The following MARCHF3 variants were observed in gnomAD, a reference collection of about 807,000 sequenced individuals.
MARCHF3 encodes the protein E3 ubiquitin-protein ligase MARCHF3.
Under a neutral mutation model 24.2 loss-of-function variants are expected in MARCHF3, and 13 were observed. That is an observed-to-expected ratio of 0.54 (90% CI 0.35 to 0.85). The LOEUF (loss-of-function observed/expected upper bound fraction) is 0.85, where lower values mean the gene tolerates loss of function less well. Among genes scored for constraint, MARCHF3 ranks in the 40% least tolerant of loss-of-function variants. MARCHF3 has a pLI of 0.01. For missense variants in MARCHF3, 276 were observed against 325.0 expected (o/e 0.85, Z 1.16); for synonymous variants, 144 against 137.3 (o/e 1.05, Z -0.34).
At chr5:126,952,401 T>G (rs1750277613) in intron 1 of MARCHF3, among the ~76,000 whole-genome samples, 1 of 152,216 alleles carries the variant, frequency 6.6e-6, no homozygotes, top group African/African-American at 2.4e-5. Flanking sequence ...AAGGGTGGTA[T>G]AAATGGAGGC....
chr5:127,019,343 A>C (rs950985469), intron 1 of MARCHF3, among the ~76,000 whole-genome samples: 3 of 151,830 alleles, frequency 2.0e-5, no homozygotes, highest in African/African-American at 4.8e-5. Context: ...CCCATCCCCC[A>C]ACATACCTAT....
At chr5:126,926,777 G>A (rs1010080517) in intron 1 of MARCHF3, among the ~76,000 whole-genome samples, 4 of 151,886 alleles carry the variant, frequency 2.6e-5, no homozygotes, top group African/African-American at 9.7e-5. Flanking sequence ...GTTTCCCCCC[G>A]AGACTGAGGA....
chr5:126,933,311 A>G (rs541945424), intron 1 of MARCHF3, among the ~76,000 whole-genome samples: 21 of 152,326 alleles, frequency 1.4e-4, no homozygotes, highest in African/African-American at 5.1e-4. Flanking sequence ...TATATACACA[A>G]ACAAAGCATG....
intron 1 of MARCHF3, among the ~76,000 whole-genome samples, chr5:126,976,746 C>T (rs992756708): frequency 6.6e-6 from 1 of 152,232 alleles, no homozygotes; most frequent in African/African-American, 2.4e-5. Context: ...ACACATGGCA[C>T]CTGGCTCTCT....
intron 1 of MARCHF3, among the ~76,000 whole-genome samples, chr5:126,956,306 A>G (rs903734153): frequency 6.6e-6 from 1 of 152,142 alleles, no homozygotes; most frequent in Non-Finnish European, 1.5e-5. Flanking sequence ...CAGAGATCTT[A>G]TATTTCCCAT....
chr5:127,009,393 A>G (rs1752410236), intron 1 of MARCHF3, among the ~76,000 whole-genome samples: 1 of 152,218 alleles, frequency 6.6e-6, no homozygotes, highest in African/African-American at 2.4e-5. Context: ...TAGAGATTCC[A>G]CCCATATTCT....
rs941243757 is a variant in MARCHF3, at chr5:126,921,943, TTAAAA to T, written c.-56-3721_-56-3717del. Among the ~76,000 whole-genome samples the T allele has an allele frequency of 4.6e-5, 7 of 152,246 alleles. No homozygotes were observed. The East Asian group carries it at 1.4e-3, about 29-fold the overall frequency. On this transcript the variant is annotated intron_variant, in intron 1 of 4. Coordinates refer to ENST00000308660, the MANE Select transcript of MARCHF3 (RefSeq NM_178450.5). ...AAATGAAAGCCTGATTAGGGAATTGTTAAAATAAAAAGGCTTGTCTGTTAAACTGT... is the reference window on the plus strand; with the variant it reads ...AAATGAAAGCCTGATTAGGGAATTGTTAAAAAGGCTTGTCTGTTAAACTGT...
chr5:126,994,736 C>G (rs116218290), intron 1 of MARCHF3, among the ~76,000 whole-genome samples: 1 of 152,156 alleles, frequency 6.6e-6, no homozygotes, highest in African/African-American at 2.4e-5. Context: ...TTGACTCACA[C>G]GACCACAAGG....
chr5:126,990,722 C>G (rs1241588134), intron 1 of MARCHF3, among the ~76,000 whole-genome samples: 1 of 152,122 alleles, frequency 6.6e-6, no homozygotes, highest in Admixed American at 6.5e-5. Context: ...ACAACCCCAT[C>G]AAAAAGTGGG....
intron 1 of MARCHF3, among the ~76,000 whole-genome samples, chr5:126,986,284 A>C (rs1455434579): frequency 1.3e-5 from 2 of 152,226 alleles, no homozygotes; most frequent in Non-Finnish European, 2.9e-5. Context: ...AAGTAGCATC[A>C]AAAGTGGGCA....
intron 1 of MARCHF3, among the ~76,000 whole-genome samples, chr5:126,986,921 G>C (rs1171317353): frequency 6.6e-6 from 1 of 152,234 alleles, no homozygotes; most frequent in Non-Finnish European, 1.5e-5. Flanking sequence ...AGGCCAGGAA[G>C]AAGATGGCAA....
chr5:126,914,974 G>A lies in MARCHF3; in HGVS notation c.349C>T (p.His117Tyr). The A allele has an allele frequency of 6.2e-7, 1 of 1,614,188 alleles. No homozygotes were observed. The highest frequency in any genetic ancestry group is 8.5e-7 in the Non-Finnish European group (1 of 1,180,032). ...TTGCGCTCGACTGCAAACCTGAAGT[G>A]GCAGAGTTCACAGTAGCTGGTGTTT... ...SSNTSYCELC[H>Y]FRFAVERKPR... The change falls in exon 3 of 5, where the codon CAC becomes TAC. Residue 117 changes from histidine (H) to tyrosine (Y), a missense_variant. By Grantham distance (83) the His-to-Tyr change is moderately conservative. Coordinates refer to ENST00000308660, the MANE Select transcript of MARCHF3 (RefSeq NM_178450.5).
chr5:127,009,556 T>C (rs1752416730), intron 1 of MARCHF3, among the ~76,000 whole-genome samples: 1 of 152,202 alleles, frequency 6.6e-6, no homozygotes, highest in South Asian at 2.1e-4. Context: ...TAAGCACCTG[T>C]ATTGTATTTC....
At chr5:126,995,760 A>G (rs934770804) in intron 1 of MARCHF3, among the ~76,000 whole-genome samples, 2 of 152,234 alleles carry the variant, frequency 1.3e-5, no homozygotes, top group African/African-American at 4.8e-5. Flanking sequence ...AATCAGCCAA[A>G]CATTTATTAA....
At chr5:126,904,617 G>A (rs1367581702) in intron 3 of MARCHF3, among the ~76,000 whole-genome samples, 1 of 149,982 alleles carries the variant, frequency 6.7e-6, no homozygotes, top group South Asian at 2.2e-4. Flanking sequence ...GTCTTCTTTT[G>A]AGAAGTGTCT....
chr5:127,010,290 G>C (rs1561471821), intron 1 of MARCHF3, among the ~76,000 whole-genome samples: 1 of 152,142 alleles, frequency 6.6e-6, no homozygotes, highest in African/African-American at 2.4e-5. Context: ...AAACATTTAG[G>C]AAATTATAAA....
intron 3 of MARCHF3, among the ~76,000 whole-genome samples, chr5:126,888,738 T>C (rs1425280911): frequency 6.6e-6 from 1 of 152,212 alleles, no homozygotes; most frequent in Non-Finnish European, 1.5e-5. Context: ...AGATATTATT[T>C]ATTTTGGGAA....
At chr5:127,023,750 A>AAATG (rs1367148140) in intron 1 of MARCHF3, among the ~76,000 whole-genome samples, 1 of 145,998 alleles carries the variant, frequency 6.8e-6, no homozygotes, top group Non-Finnish European at 1.5e-5. Context: ...ATAAATAAAT[A>AAATG]AATAAATAAA....
intron 1 of MARCHF3, among the ~76,000 whole-genome samples, chr5:126,959,415 C>T (rs571191977): frequency 6.6e-6 from 1 of 152,200 alleles, no homozygotes; most frequent in South Asian, 2.1e-4. Flanking sequence ...TCATCAAAAA[C>T]AAAGAAAGTC....
Sources: allele counts gnomAD v4.1 joint callset (sites outside exome capture counted in the v4.1 genomes callset), GRCh38; gene constraint gnomAD v4.1.1; transcripts MANE v1.5; gene names NCBI Gene and HGNC (gene_info 2026-07-23, HGNC 2026-07-21).